SF3B3: variants seen among roughly 807,000 people sequenced by gnomAD.
SF3B3 encodes the protein SAP 130.
In SF3B3, 33 loss-of-function variants were observed where a neutral mutation model predicts 139.2. That is an observed-to-expected ratio of 0.24 (90% confidence interval 0.18 to 0.32). The LOEUF is 0.32. Ranked by LOEUF, SF3B3 falls within the 10% of genes least tolerant of loss-of-function variation. The pLI is 1.00. For synonymous variants in SF3B3, 596 were observed against 563.6 expected, an observed-to-expected ratio of 1.06 and a Z score of -0.81; for missense variants, 818 against 1,509.4, an observed-to-expected ratio of 0.54 and a Z score of 7.59.
chr16:70,546,387 C>T (rs1348780716), intron 10 of SF3B3, among the ~76,000 whole-genome samples: 1 of 152,172 alleles, frequency 6.6e-6, no homozygotes, highest in African/African-American at 2.4e-5. Context: ...CACGGTGGCG[C>T]ACGCCTGTAA....
chr16:70,558,272 GTT>G (rs11311769), intron 15 of SF3B3, among the ~76,000 whole-genome samples: 3,894 of 146,988 alleles, frequency 0.026, 177 homozygotes, highest in African/African-American at 0.091. Flanking sequence ...TAATTTTAAT[GTT>G]TTTTTTTTTT....
At chr16:70,526,067 A>G (rs570096044) in intron 1 of SF3B3, among the ~76,000 whole-genome samples, 1 of 151,108 alleles carries the variant, frequency 6.6e-6, no homozygotes, top group East Asian at 1.9e-4. Flanking sequence ...TGATCTTGCC[A>G]CCCTGCTTTT....
intron 6 of SF3B3, among the ~76,000 whole-genome samples, chr16:70,537,752 G>A (rs185868451): frequency 2.0e-3 from 308 of 152,234 alleles, no homozygotes; most frequent in African/African-American, 6.7e-3. Context: ...GAGCTTACTC[G>A]GTGGGAGAAA....
At position 70,571,081 on chromosome 16, in the gene SF3B3, G is replaced by A. The variant is rs994702308; in HGVS notation, c.3409-14G>A. ...ATCACTTCTCAGTGACAGATTTTTT[G>A]TTTCTTCTGCCAGGACCATGACTTC... is the stretch of plus-strand genomic sequence containing the variant. On this transcript the variant is annotated splice_polypyrimidine_tract_variant and intron_variant, in intron 24 of 25. Coordinates refer to ENST00000302516, the MANE Select transcript of SF3B3 (RefSeq NM_012426.5). 1 of 1,601,092 alleles carries A rather than the reference G, an allele frequency of 6.2e-7. No homozygotes were observed. Among genetic ancestry groups the A allele is most frequent in the Non-Finnish European group, 8.6e-7 (1 of 1,168,728 alleles).
At chr16:70,537,702 T>C (rs935702273) in intron 6 of SF3B3, among the ~76,000 whole-genome samples, 2 of 152,216 alleles carry the variant, frequency 1.3e-5, no homozygotes, top group Non-Finnish European at 2.9e-5. Context: ...GCACTGTATT[T>C]GGCTTTGCAA....
chr16:70,543,860 A>T (rs200028703), intron 9 of SF3B3, among the ~76,000 whole-genome samples: 2 of 147,496 alleles, frequency 1.4e-5, no homozygotes, highest in East Asian at 2.0e-4. Flanking sequence ...TTTTTTTTTT[A>T]ATTTTTTTTT....
At chr16:70,556,666 C>T in intron 14 of SF3B3, 1 of 615,038 alleles carries the variant, frequency 1.6e-6, no homozygotes, top group Non-Finnish European at 2.8e-6. Context: ...TTACCTTTGC[C>T]ATTATCTTCT....
At chr16:70,547,954 G>A (rs1275697060) in intron 10 of SF3B3, among the ~76,000 whole-genome samples, 5 of 152,114 alleles carry the variant, frequency 3.3e-5, no homozygotes, top group Admixed American at 3.3e-4. Context: ...AGGGGATAAG[G>A]GAATAATTTT....
intron 15 of SF3B3, among the ~76,000 whole-genome samples, chr16:70,559,840 C>T (rs2050412587): frequency 6.6e-6 from 1 of 151,720 alleles, no homozygotes; most frequent in Non-Finnish European, 1.5e-5. Context: ...TGGCCTCAAG[C>T]AGTCGTCCTT....
chr16:70,552,746 T>G (rs961237304), intron 11 of SF3B3, among the ~76,000 whole-genome samples: 1 of 152,144 alleles, frequency 6.6e-6, no homozygotes, highest in East Asian at 1.9e-4. Context: ...ATATGCAATA[T>G]TAACTGAAAC....
rs2168606 is a variant in SF3B3, at chr16:70,575,949, T to C, written c.*4136T>C. ...CTGCTCCCAATTATTCACACGGTGG[T>C]TCATGCCTGGTAATCCCAGCACTTT... is the stretch of plus-strand genomic sequence containing the variant. On this transcript the variant is annotated 3_prime_UTR_variant, in exon 26 of 26. Coordinates refer to ENST00000302516, the MANE Select transcript of SF3B3 (RefSeq NM_012426.5). 0.48 allele frequency: 73,195 copies of C among 152,064 alleles called. 18,131 individuals are homozygous for C. Among genetic ancestry groups the C allele is most frequent in the South Asian group, 0.66 (3,168 of 4,808 alleles). The allele number at this position is 152,064 out of a possible 1,614,324, so 9.4% of individuals were successfully genotyped here.
At chr16:70,554,982 G>A in intron 12 of SF3B3, 69 bp from the exon 13 acceptor site, 1 of 1,462,982 alleles carries the variant, frequency 6.8e-7, no homozygotes, top group Non-Finnish European at 9.4e-7. Flanking sequence ...AGATCTGATA[G>A]ATGTGAGGGT....
intron 4 of SF3B3, among the ~76,000 whole-genome samples, chr16:70,532,163 A>T (rs545393258): frequency 1.3e-4 from 20 of 152,218 alleles, no homozygotes; most frequent in African/African-American, 4.6e-4. Context: ...GTGGTGGCAC[A>T]TGCTTGTAAT....
rs954860811 is a variant in SF3B3 at position 70,563,687 on chromosome 16, A to G, written c.2289-189A>G. On this transcript the variant is annotated intron_variant, in intron 17 of 25. Coordinates refer to ENST00000302516, the MANE Select transcript of SF3B3 (RefSeq NM_012426.5). The stretch of plus-strand genomic sequence containing the variant: ...TGTGGTAGGGTGTTGCCAAATGGGA[A>G]GGCCCTTCCTGGATCTCTGTGTCTG... 40 of 557,064 alleles carry G rather than the reference A, an allele frequency of 7.2e-5. 1 individual carries two copies. The highest frequency in any genetic ancestry group is 1.2e-4 in the East Asian group (4 of 33,944). 34.5% of individuals were successfully genotyped at this position (557,064 alleles called of 1,614,324 possible). A position where few individuals can be genotyped will look rare whatever the true frequency, so the allele number is the denominator to read the frequency against.
chr16:70,570,519 A>T (rs1035509481), intron 24 of SF3B3, among the ~76,000 whole-genome samples: 1 of 151,692 alleles, frequency 6.6e-6, no homozygotes, highest in African/African-American at 2.4e-5. Context: ...TTTAATAGAG[A>T]TGGGGTTTCA....
intron 15 of SF3B3, among the ~76,000 whole-genome samples, chr16:70,560,074 C>G (rs1381357179): frequency 2.0e-5 from 3 of 152,196 alleles, no homozygotes; most frequent in African/African-American, 7.2e-5. Context: ...ACATTCTTGC[C>G]CCTGCCCCAA....
chr16:70,571,186 A>G lies in SF3B3; in HGVS notation c.3500A>G (p.Tyr1167Cys), dbSNP rs2050525643. ...GRDHLSFRSY[Y>C]FPVKNVIDGD... is the part of the protein sequence containing the mutation. ...GACCACCTCAGCTTTCGCTCCTACT[A>G]CTTCCCTGTGAAGGTAGGTTGGGGG... Residue 1167 changes from tyrosine (Y) to cysteine (C), a missense_variant, in exon 25 of 26, where the codon TAC becomes TGC. Physicochemically the swap from Tyr to Cys is radical, Grantham distance 194. Around this residue, in one of 14 missense-constraint regions of SF3B3, gnomAD observed 44 missense variants for 40.4 expected, o/e 1.09. Transcript: ENST00000302516. The G allele has an allele frequency of 6.2e-7, 1 of 1,609,392 alleles. No individual in the cohort carries two copies. The highest frequency in any genetic ancestry group is 8.5e-7 in the Non-Finnish European group (1 of 1,175,878).
At chr16:70,560,640 C>T in intron 16 of SF3B3, 49 bp downstream of exon 16, 2 of 1,596,982 alleles carry the variant, frequency 1.3e-6, no homozygotes, top group Non-Finnish European at 1.7e-6. Context: ...ATTTTAGTGG[C>T]ACCATCTGAG....
intron 11 of SF3B3, among the ~76,000 whole-genome samples, chr16:70,552,107 AC>A (rs1481123911): frequency 1.3e-5 from 2 of 151,686 alleles, no homozygotes; most frequent in Non-Finnish European, 2.9e-5. Context: ...AAGGAAAGGC[AC>A]CCCTCCTCCC....
Sources: gnomAD v4.1 joint callset for allele counts (sites outside exome capture counted in the v4.1 genomes callset) on GRCh38, gnomAD v4.1.1 for gene constraint, gnomAD v4.1.1 regional missense constraint, MANE v1.5 for transcripts, NCBI Gene and HGNC (gene_info 2026-07-23, HGNC 2026-07-21) for gene names.